CADPS2: variants seen among roughly 807,000 people sequenced by gnomAD.
CADPS2 encodes the protein calcium dependent secretion activator 2.
CADPS2 carries 93 observed loss-of-function variants against 172.5 expected under a neutral mutation model. That is an observed-to-expected ratio of 0.54 (90% CI 0.46 to 0.64). The LOEUF (loss-of-function observed/expected upper bound fraction) is 0.64. CADPS2 is among the 30% of genes least tolerant of loss of function. The pLI is 0.00. For missense variants in CADPS2, 1,420 were observed against 1,565.9 expected (o/e 0.91, Z 1.57); for synonymous variants, 546 against 555.2 (o/e 0.98, Z 0.23).
At chr7:122,356,145 T>C (rs773672883) in intron 27 of CADPS2, among the ~76,000 whole-genome samples, 2 of 152,192 alleles carry the variant, frequency 1.3e-5, no homozygotes, top group South Asian at 4.1e-4. Flanking sequence ...TTCTCTTCCA[T>C]GATATCATTC....
chr7:122,612,324 G>A (rs1176383463), intron 6 of CADPS2, among the ~76,000 whole-genome samples: 3 of 151,892 alleles, frequency 2.0e-5, no homozygotes, highest in African/African-American at 4.8e-5. Context: ...AAATTTTAAA[G>A]TTAATAAGCA....
chr7:122,725,191 T>C (rs2090952466), intron 2 of CADPS2, among the ~76,000 whole-genome samples: 1 of 152,052 alleles, frequency 6.6e-6, no homozygotes, highest in African/African-American at 2.4e-5. Flanking sequence ...AGTCATAATA[T>C]AAGTAAATGC....
chr7:122,553,659 A>G (rs920066317), intron 8 of CADPS2, among the ~76,000 whole-genome samples: 6 of 152,028 alleles, frequency 3.9e-5, no homozygotes, highest in African/African-American at 1.2e-4. Flanking sequence ...CATTTTTTGA[A>G]TCATCAGTTC....
At chr7:122,718,045 G>C (rs1483263603) in intron 2 of CADPS2, among the ~76,000 whole-genome samples, 1 of 122,696 alleles carries the variant, frequency 8.2e-6, no homozygotes, top group Non-Finnish European at 1.6e-5. Flanking sequence ...GCCCAGACTG[G>C]TCTCGAACTC....
intron 3 of CADPS2, among the ~76,000 whole-genome samples, chr7:122,657,816 G>A (rs2079996287): frequency 6.6e-6 from 1 of 152,216 alleles, no homozygotes; most frequent in Non-Finnish European, 1.5e-5. Flanking sequence ...TCTCCTGCCT[G>A]ATTGCCCTGG....
intron 6 of CADPS2, among the ~76,000 whole-genome samples, chr7:122,604,851 C>T (rs1266214549): frequency 6.6e-6 from 1 of 152,028 alleles, no homozygotes; most frequent in Admixed American, 6.6e-5. Context: ...CATTGCTTAA[C>T]GATGGGAATA....
At chr7:122,573,881 T>C (rs2067600707) in intron 7 of CADPS2, among the ~76,000 whole-genome samples, 1 of 152,160 alleles carries the variant, frequency 6.6e-6, no homozygotes, top group Admixed American at 6.6e-5. Context: ...TGACTGAACC[T>C]GCAATTTCTT....
At chr7:122,672,725 C>T (rs1205799140) in intron 2 of CADPS2, among the ~76,000 whole-genome samples, 1 of 152,178 alleles carries the variant, frequency 6.6e-6, no homozygotes, top group African/African-American at 2.4e-5. Context: ...CTGGCCAACA[C>T]CTGTGGAATT....
intron 14 of CADPS2, among the ~76,000 whole-genome samples, chr7:122,453,906 T>C (rs1240106236): frequency 6.6e-6 from 1 of 152,214 alleles, no homozygotes; most frequent in African/African-American, 2.4e-5. Flanking sequence ...ACCACCATTT[T>C]ACTGAGTTTA....
At chr7:122,422,803 A>AG (rs2151823508) in intron 17 of CADPS2, among the ~76,000 whole-genome samples, 1 of 151,540 alleles carries the variant, frequency 6.6e-6, no homozygotes, top group East Asian at 2.0e-4. Flanking sequence ...AAAAAAAAAA[A>AG]AAAAAAATAG....
At chr7:122,369,610 C>T (rs796098230) in intron 25 of CADPS2, 17 of 152,348 alleles carry the variant, frequency 1.1e-4, no homozygotes, top group African/African-American at 4.1e-4. Context: ...AGTTAATATC[C>T]TCCTTGACAT....
chr7:122,491,533 C>T (rs2058288399), intron 9 of CADPS2, 113 bp from the exon 10 acceptor site: 2 of 564,032 alleles, frequency 3.5e-6, no homozygotes, highest in Non-Finnish European at 6.1e-6. Context: ...ATAATTTGCA[C>T]ATAAATTATT....
At chr7:122,548,022 T>C (rs2063800158) in intron 8 of CADPS2, among the ~76,000 whole-genome samples, 1 of 152,138 alleles carries the variant, frequency 6.6e-6, no homozygotes, top group Non-Finnish European at 1.5e-5. Flanking sequence ...ATAAAAGTCA[T>C]GTAGACAGTA....
At chr7:122,417,611 G>C (rs1003847193) in intron 17 of CADPS2, among the ~76,000 whole-genome samples, 4 of 152,142 alleles carry the variant, frequency 2.6e-5, no homozygotes, top group African/African-American at 7.2e-5. Context: ...TGAAGTCAAG[G>C]AGGCTCATGA....
chr7:122,821,340 C>T (rs928015699), intron 1 of CADPS2, among the ~76,000 whole-genome samples: 36 of 152,206 alleles, frequency 2.4e-4, no homozygotes, highest in African/African-American at 6.0e-4. Context: ...TCCTTTCCAT[C>T]GTGGAAATCT....
rs398048049 is a variant in CADPS2 at position 122,351,372 on chromosome 7, C to CAAAAA, written c.3505-5696_3505-5692dup. Among the ~76,000 whole-genome samples the CAAAAA allele has an allele frequency of 5.7e-3, 164 of 28,926 alleles. 28 individuals carry two copies. The East Asian group carries it at 0.088, about 16-fold the overall frequency. 19.0% of individuals were successfully genotyped at this position (28,926 alleles called of 152,430 possible). ...TGGGTGACAGAGCGAGACTCCGTCT[C>CAAAAA]AAAAAAAAAAAAAAAAAAAAAAAAA... On this transcript the variant is annotated intron_variant, in intron 27 of 29. Transcript: ENST00000449022.
At chr7:122,538,744 C>G (rs1221281020) in intron 8 of CADPS2, among the ~76,000 whole-genome samples, 1 of 152,026 alleles carries the variant, frequency 6.6e-6, no homozygotes, top group Non-Finnish European at 1.5e-5. Context: ...AATTAAGTAT[C>G]TGTATGCCTC....
intron 1 of CADPS2, among the ~76,000 whole-genome samples, chr7:122,866,937 T>C (rs1818464936): frequency 6.6e-6 from 1 of 152,158 alleles, no homozygotes; most frequent in African/African-American, 2.4e-5. Flanking sequence ...TTTCCTCTTC[T>C]CACATCATGC....
At chr7:122,472,527 A>C (rs567773313) in intron 13 of CADPS2, among the ~76,000 whole-genome samples, 2 of 152,164 alleles carry the variant, frequency 1.3e-5, no homozygotes, top group African/African-American at 4.8e-5. Flanking sequence ...CCTCCAAAAC[A>C]CTTTCTAGGC....
Sources: gnomAD v4.1 joint callset for allele counts (sites outside exome capture counted in the v4.1 genomes callset) on GRCh38, gnomAD v4.1.1 for gene constraint, MANE v1.5 for transcripts, NCBI Gene and HGNC (gene_info 2026-07-23, HGNC 2026-07-21) for gene names.